The following PATJ variants were observed in gnomAD, a reference collection of about 807,000 sequenced individuals.
PATJ encodes PATJ crumbs cell polarity complex component.
A neutral mutation model predicts 224.9 loss-of-function variants in PATJ; 190 were observed. The observed-to-expected ratio is 0.84, with a 90% CI of 0.75 to 0.95. The LOEUF is 0.95. Among genes scored for constraint, PATJ ranks in the 40% least tolerant of loss-of-function variants. PATJ has a pLI of 0.00. For missense variants in PATJ, 2,121 were observed against 2,270.3 expected (o/e 0.93, Z 1.34); for synonymous variants, 769 against 820.3 (o/e 0.94, Z 1.07).
chr1:61,941,061 A>G (rs2149344049), intron 27 of PATJ, among the ~76,000 whole-genome samples: 1 of 152,294 alleles, frequency 6.6e-6, no homozygotes, highest in South Asian at 2.1e-4. Flanking sequence ...AATTGTATAT[A>G]ATATGAATTG....
In PATJ at chr1:62,036,382, C is replaced by T. The variant is rs1208011719; in HGVS notation, c.3960-1595C>T. On this transcript the variant is annotated intron_variant, in intron 29 of 43. Transcript: ENST00000642238. The stretch of plus-strand genomic sequence containing the variant: ...GAGGAAGATAATTTTCAAGAATGAC[C>T]CCTGTTTCCTGGTTGAACAACTGGA... 3.9e-5 allele frequency among the ~76,000 whole-genome samples: 6 copies of T among 152,052 alleles called. No individual in the cohort carries two copies. The East Asian group carries it at 1.2e-3, about 29-fold the overall frequency.
chr1:62,148,357 C>T lies in PATJ; in HGVS notation c.5345C>T (p.Ser1782Leu), dbSNP rs183715116. 2.5e-3 allele frequency: 3,964 copies of T among 1,613,720 alleles called. 12 individuals are homozygous for T. Among genetic ancestry groups the T allele is most frequent in the Admixed American group, 3.3e-3 (200 of 59,974 alleles). Reference protein sequence around the residue: ...ENMSTGYHLGSPTAEHHPEDT... With the variant: ...ENMSTGYHLGLPTAEHHPEDT... The stretch of plus-strand genomic sequence containing the variant: ...ATGTCTACAGGCTACCACCTTGGTT[C>T]GCCCACTGCTGAACACCATCCAGAA... Residue 1782 changes from serine (S) to leucine (L), a missense_variant, in exon 42 of 44, where the codon TCG (serine) becomes TTG (leucine). Physicochemically the swap from Ser to Leu is moderately radical, Grantham distance 145 (BLOSUM62 -2). Coordinates refer to ENST00000642238, the MANE Select transcript of PATJ (RefSeq NM_001350145.3).
intron 39 of PATJ, among the ~76,000 whole-genome samples, chr1:62,126,262 C>A (rs1665712319): frequency 1.3e-5 from 2 of 152,302 alleles, no homozygotes; most frequent in Middle Eastern, 3.4e-3. Context: ...ATTCACCGTA[C>A]CTTTCCAGCT....
At chr1:61,975,615 C>T (rs1644086298) in intron 27 of PATJ, among the ~76,000 whole-genome samples, 2 of 151,980 alleles carry the variant, frequency 1.3e-5, no homozygotes, top group African/African-American at 4.8e-5. Context: ...GGTCAGCTTT[C>T]CTATTCTTGG....
At chr1:62,128,570 G>T in intron 40 of PATJ, 4 of 418,112 alleles carry the variant, frequency 9.6e-6, no homozygotes, top group Non-Finnish European at 1.3e-5. Context: ...GCAAATGGTT[G>T]TATGAAACAC....
chr1:62,092,234 G>A (rs902829094), intron 33 of PATJ, among the ~76,000 whole-genome samples: 8 of 151,858 alleles, frequency 5.3e-5, no homozygotes, highest in African/African-American at 1.9e-4. Flanking sequence ...TTTTTAATTA[G>A]CTGAGCATGG....
At chr1:61,948,542 A>G (rs151268372) in intron 27 of PATJ, among the ~76,000 whole-genome samples, 23,594 of 152,162 alleles carry the variant, frequency 0.16, 2,270 homozygotes, top group Non-Finnish European at 0.22. Context: ...TAGAATGGCA[A>G]TCATTAAAAA....
intron 31 of PATJ, among the ~76,000 whole-genome samples, chr1:62,070,102 C>A (rs972147946): frequency 2.0e-5 from 3 of 152,164 alleles, no homozygotes; most frequent in African/African-American, 7.2e-5. Flanking sequence ...CTTTGTCCCA[C>A]TGCTGGTTAA....
intron 28 of PATJ, among the ~76,000 whole-genome samples, chr1:62,014,705 T>G (rs1287748272): frequency 4.6e-5 from 7 of 151,466 alleles, no homozygotes; most frequent in Non-Finnish European, 8.8e-5. Flanking sequence ...TAGCTGGGAC[T>G]ACAGGTGCAT....
intron 41 of PATJ, among the ~76,000 whole-genome samples, chr1:62,142,492 G>A (rs1667605239): frequency 6.6e-6 from 1 of 152,126 alleles, no homozygotes; most frequent in African/African-American, 2.4e-5. Context: ...CCTTATGACA[G>A]TTTTAGATTC....
chr1:62,068,419 G>A (rs1252380587), intron 31 of PATJ, among the ~76,000 whole-genome samples: 1 of 152,174 alleles, frequency 6.6e-6, no homozygotes, highest in African/African-American at 2.4e-5. Context: ...TGCTGCCAGG[G>A]TTCTCTCTGT....
chr1:61,768,182 C>A (rs1348499524), intron 4 of PATJ, among the ~76,000 whole-genome samples: 1 of 151,868 alleles, frequency 6.6e-6, no homozygotes, highest in Non-Finnish European at 1.5e-5. Context: ...AATAGAATAT[C>A]AATTGGGCTG....
chr1:62,078,253 C>A (rs971409870), intron 31 of PATJ, among the ~76,000 whole-genome samples: 1 of 152,036 alleles, frequency 6.6e-6, no homozygotes, highest in Non-Finnish European at 1.5e-5. Context: ...GCAAGGAGTC[C>A]TTTTGGTTTT....
chr1:61,796,531 T>G (rs1651139989), intron 10 of PATJ, among the ~76,000 whole-genome samples: 1 of 152,194 alleles, frequency 6.6e-6, no homozygotes, highest in African/African-American at 2.4e-5. Context: ...TTAAAGTCCT[T>G]TATATCTCTC....
intron 25 of PATJ, among the ~76,000 whole-genome samples, chr1:61,913,332 A>G (rs1672969961): frequency 1.3e-5 from 2 of 151,962 alleles, no homozygotes; most frequent in Non-Finnish European, 2.9e-5. Context: ...CCTCAGCCCC[A>G]CAAGTATCTG....
intron 33 of PATJ, among the ~76,000 whole-genome samples, chr1:62,094,948 G>A (rs193145977): frequency 6.6e-6 from 1 of 152,300 alleles, no homozygotes; most frequent in Non-Finnish European, 1.5e-5. Flanking sequence ...ACCAAATAGA[G>A]TATCCAGATT....
At position 61,991,099 on chromosome 1, in the gene PATJ, C is replaced by T. The variant is rs141992959; in HGVS notation, c.3867+735C>T. ...GAAACAGAAAAAGAGATGAATACAT[C>T]CAGTTCCTTCATTAGTATAGCTCAC... On this transcript the variant is annotated intron_variant, in intron 28 of 43. Transcript: ENST00000642238. Among the ~76,000 whole-genome samples, 835 of 152,172 alleles carry T rather than the reference C, an allele frequency of 5.5e-3. 2 individuals carry two copies. The highest frequency in any genetic ancestry group is 0.019 in the African/African-American group (801 of 41,510).
intron 32 of PATJ, among the ~76,000 whole-genome samples, chr1:62,082,527 T>A (rs991160293): frequency 6.6e-6 from 1 of 152,226 alleles, no homozygotes; most frequent in Non-Finnish European, 1.5e-5. Flanking sequence ...CCCCACAGGC[T>A]TACCTAGAGC....
chr1:61,982,248 A>C (rs561290808), intron 27 of PATJ, among the ~76,000 whole-genome samples: 1 of 152,138 alleles, frequency 6.6e-6, no homozygotes, highest in Non-Finnish European at 1.5e-5. Context: ...AAGGTGCTAC[A>C]TTTTAGGGTA....
Sources: allele counts gnomAD v4.1 joint callset (sites outside exome capture counted in the v4.1 genomes callset), GRCh38; gene constraint gnomAD v4.1.1; transcripts MANE v1.5; gene names NCBI Gene and HGNC (gene_info 2026-07-23, HGNC 2026-07-21).